Variants in SLC9A8 observed in about 807,000 individuals in gnomAD.
The protein encoded by SLC9A8 is solute carrier family 9 member A8, also known as sodium/hydrogen exchanger 8.
SLC9A8 carries 48 observed loss-of-function variants against 66.6 expected under a neutral mutation model. That is an observed-to-expected ratio of 0.72 (90% CI 0.57 to 0.92). SLC9A8 has a LOEUF of 0.92. Among genes scored for constraint, SLC9A8 ranks in the 40% least tolerant of loss-of-function variants. The pLI is 0.00. For synonymous variants in SLC9A8, 274 were observed against 282.6 expected (o/e 0.97, Z 0.31); for missense variants, 599 against 747.3 (o/e 0.80, Z 2.31).
chr20:49,835,194 G>GT (rs974199185), intron 3 of SLC9A8, among the ~76,000 whole-genome samples: 1,308 of 85,596 alleles, frequency 0.015, 7 homozygotes, highest in African/African-American at 0.035. Context: ...GTCTGGGTTT[G>GT]TTTTTTTTTT....
chr20:49,841,213 G>A (rs1054544280), intron 4 of SLC9A8, among the ~76,000 whole-genome samples: 6 of 151,954 alleles, frequency 3.9e-5, no homozygotes, highest in African/African-American at 7.3e-5. Flanking sequence ...GGCTGAGGCA[G>A]GAGGATCGCT....
At chr20:49,833,257 A>G (rs1034409518) in intron 3 of SLC9A8, among the ~76,000 whole-genome samples, 2 of 152,148 alleles carry the variant, frequency 1.3e-5, no homozygotes, top group African/African-American at 2.4e-5. Context: ...CTTGTAAGAC[A>G]GCACTTCCCT....
chr20:49,819,398 T>C (rs1239243415), intron 2 of SLC9A8, among the ~76,000 whole-genome samples: 2 of 152,210 alleles, frequency 1.3e-5, no homozygotes, highest in Non-Finnish European at 2.9e-5. Flanking sequence ...CGTAAGTACA[T>C]GCAGAAACAC....
At chr20:49,840,469 C>A (rs947905218) in intron 4 of SLC9A8, among the ~76,000 whole-genome samples, 2 of 152,114 alleles carry the variant, frequency 1.3e-5, no homozygotes, top group African/African-American at 4.8e-5. Flanking sequence ...CTCCTAGGTG[C>A]TAGGATTAAT....
chr20:49,837,013 A>G (rs141004154), intron 3 of SLC9A8, among the ~76,000 whole-genome samples: 278 of 152,264 alleles, frequency 1.8e-3, no homozygotes, highest in Admixed American at 3.0e-3. Context: ...CCTCCCTCTC[A>G]ATTTGTACAC....
intron 5 of SLC9A8, among the ~76,000 whole-genome samples, chr20:49,846,605 G>C (rs2088004463): frequency 6.6e-6 from 1 of 151,976 alleles, no homozygotes; most frequent in African/African-American, 2.4e-5. Context: ...ACCACCAGTA[G>C]TAATAATAAT....
chr20:49,846,416 A>G (rs1295893382), intron 5 of SLC9A8, among the ~76,000 whole-genome samples: 4 of 151,452 alleles, frequency 2.6e-5, no homozygotes, highest in African/African-American at 7.3e-5. Flanking sequence ...GCTGCCCCCT[A>G]CAGGTTTCTT....
In SLC9A8 at chr20:49,884,338, C is replaced by CACACACACACACACACACACACACACACA. The variant is rs1600823664; in HGVS notation, c.1491+272_1491+273insACACACACACACACACACACACACACACA. 1.4e-3 allele frequency among the ~76,000 whole-genome samples: 64 copies of CACACACACACACACACACACACACACACA among 44,612 alleles called. 19 individuals are homozygous for CACACACACACACACACACACACACACACA. Among genetic ancestry groups the CACACACACACACACACACACACACACACA allele is most frequent in the African/African-American group, 2.7e-3 (29 of 10,812 alleles). 29.3% of individuals were successfully genotyped at this position (44,612 alleles called of 152,430 possible). On this transcript the variant is annotated intron_variant, in intron 14 of 15. Transcript: ENST00000361573. ...CACACACACACACACACACACACAC[C>CACACACACACACACACACACACACACACA]CCCCGGTCATCCCCCCTGAGAAGGA...
At chr20:49,828,334 G>A (rs1444286119) in intron 3 of SLC9A8, among the ~76,000 whole-genome samples, 2 of 151,226 alleles carry the variant, frequency 1.3e-5, no homozygotes, top group Non-Finnish European at 2.9e-5. Flanking sequence ...CGCCTGCCTC[G>A]GCCTCCCAAA....
chr20:49,891,625 TGC>T lies in SLC9A8; in HGVS notation c.*3691_*3692del, dbSNP rs1420073320. The T allele has an allele frequency of 6.6e-6, 1 of 152,390 alleles. No individual in the cohort carries two copies. Among genetic ancestry groups the T allele is most frequent in the Non-Finnish European group, 1.5e-5 (1 of 68,164 alleles). The allele number at this position is 152,390 out of a possible 1,614,324, so 9.4% of individuals were successfully genotyped here. A position where few individuals can be genotyped will look rare whatever the true frequency, so the allele number is the denominator to read the frequency against. On this transcript the variant is annotated 3_prime_UTR_variant, in exon 16 of 16. Coordinates refer to ENST00000361573, the MANE Select transcript of SLC9A8 (RefSeq NM_015266.3). ...CTTGAGTTGGTCTCCCCGGCTGCTC[TGC>T]GGGGGCTTCACTGGCTTCGGAGTGA...
Position 49,880,916 on chromosome 20 carries a change from A to T in SLC9A8, c.1159-8A>T. The T allele has an allele frequency of 6.3e-7, 1 of 1,593,288 alleles. No individual in the cohort carries two copies. Among genetic ancestry groups the T allele is most frequent in the African/African-American group, 1.3e-5 (1 of 74,404 alleles). Reference sequence around the variant, plus strand: ...TTCACCTAAGACTTAGTTTGTTGCTATCAACAGGTGCTTGTACTATTTGGC... The same window carrying T: ...TTCACCTAAGACTTAGTTTGTTGCTTTCAACAGGTGCTTGTACTATTTGGC... On this transcript the variant is annotated splice_region_variant and splice_polypyrimidine_tract_variant and intron_variant, in intron 12 of 15. Coordinates refer to ENST00000361573, the MANE Select transcript of SLC9A8 (RefSeq NM_015266.3).
At chr20:49,836,729 C>T (rs2087551451) in intron 3 of SLC9A8, among the ~76,000 whole-genome samples, 1 of 152,160 alleles carries the variant, frequency 6.6e-6, no homozygotes. Flanking sequence ...ATTGCTGGGT[C>T]ATAAGGTAAC....
intron 2 of SLC9A8, among the ~76,000 whole-genome samples, chr20:49,815,994 C>T (rs1325757108): frequency 6.6e-6 from 1 of 152,132 alleles, no homozygotes; most frequent in African/African-American, 2.4e-5. Context: ...AAACCCTTGC[C>T]CCAGCACCCT....
intron 10 of SLC9A8, among the ~76,000 whole-genome samples, chr20:49,873,220 A>G (rs970123447): frequency 6.6e-6 from 1 of 152,204 alleles, no homozygotes; most frequent in South Asian, 2.1e-4. Context: ...AGTGGCTCAC[A>G]CTTATAATCC....
intron 3 of SLC9A8, chr20:49,831,001 T>C (rs2087157987): frequency 1.3e-6 from 1 of 748,114 alleles, no homozygotes; most frequent in Non-Finnish European, 2.5e-6. Flanking sequence ...CCATGGCAGC[T>C]GCAGCCAACC....
At chr20:49,863,623 A>G (rs2088838077) in intron 9 of SLC9A8, among the ~76,000 whole-genome samples, 1 of 152,250 alleles carries the variant, frequency 6.6e-6, no homozygotes, top group African/African-American at 2.4e-5. Flanking sequence ...GTGTTTATCC[A>G]GAAGGATTGC....
intron 2 of SLC9A8, among the ~76,000 whole-genome samples, chr20:49,820,555 TG>T (rs1057242525): frequency 8.0e-5 from 12 of 150,834 alleles, no homozygotes; most frequent in African/African-American, 2.7e-4. Flanking sequence ...TGTTTTGTTT[TG>T]TTTTTTTTGA....
intron 4 of SLC9A8, among the ~76,000 whole-genome samples, chr20:49,839,843 A>T (rs1167646383): frequency 1.3e-5 from 2 of 152,032 alleles, no homozygotes; most frequent in African/African-American, 4.8e-5. Flanking sequence ...TTATACTTGC[A>T]TTTTTGTAAT....
chr20:49,819,733 A>G (rs188254390), intron 2 of SLC9A8, among the ~76,000 whole-genome samples: 2 of 151,312 alleles, frequency 1.3e-5, no homozygotes, highest in African/African-American at 2.4e-5. Flanking sequence ...GGCAACCACT[A>G]TTCTGCTTTC....
Sources: gnomAD v4.1 joint callset for allele counts (sites outside exome capture counted in the v4.1 genomes callset) on GRCh38, gnomAD v4.1.1 for gene constraint, MANE v1.5 for transcripts, NCBI Gene and HGNC (gene_info 2026-07-23, HGNC 2026-07-21) for gene names.